MACROD2: variants seen among roughly 807,000 people sequenced by gnomAD.
MACROD2 encodes the protein ADP-ribose glycohydrolase MACROD2.
MACROD2 carries 36 observed loss-of-function variants against 70.4 expected under a neutral mutation model. The ratio of observed to expected loss-of-function variants is 0.51; its 90% CI spans 0.39 to 0.68. The LOEUF (loss-of-function observed/expected upper bound fraction) is 0.68. Ranked by LOEUF, MACROD2 falls within the 30% of genes least tolerant of loss-of-function variation. The pLI is 0.00. For missense variants in MACROD2, 496 were observed against 538.4 expected (o/e 0.92, Z 0.78); for synonymous variants, 172 against 178.8 (o/e 0.96, Z 0.30).
intron 15 of MACROD2, among the ~76,000 whole-genome samples, chr20:16,007,490 A>G (rs774370083): frequency 2.6e-5 from 4 of 152,224 alleles, no homozygotes; most frequent in African/African-American, 7.2e-5. Context: ...GTCATCTTCT[A>G]TAAGGTTTCT....
chr20:15,996,047 G>C (rs111474263), intron 15 of MACROD2, among the ~76,000 whole-genome samples: 57 of 152,120 alleles, frequency 3.7e-4, no homozygotes, highest in African/African-American at 1.3e-3. Flanking sequence ...GGATCATTTG[G>C]TAATTCTATT....
At chr20:14,137,311 C>T in intron 3 of MACROD2, among the ~76,000 whole-genome samples, 1 of 152,100 alleles carries the variant, frequency 6.6e-6, no homozygotes, top group East Asian at 1.9e-4. Context: ...TTAAGAAAGT[C>T]ATAAGGACTT....
At chr20:14,051,718 A>G (rs2053570017) in intron 2 of MACROD2, 1 of 354,446 alleles carries the variant, frequency 2.8e-6, no homozygotes, top group Non-Finnish European at 5.5e-6. Flanking sequence ...TAAATTCAAA[A>G]GGTATATCCT....
chr20:15,555,851 AAAAGG>A lies in MACROD2; in HGVS notation c.645+56008_645+56012del, dbSNP rs1229614370. ...CTCAAAAAAAAAAAAAAAAAAAAAA[AAAAGG>A]AAAAGAAAAGAAAAGGAAAGAACCA... On this transcript the variant is annotated intron_variant, in intron 8 of 17. Transcript: ENST00000684519. 5.5e-5 allele frequency among the ~76,000 whole-genome samples: 8 copies of A among 144,516 alleles called. No homozygotes were observed. The South Asian group carries it at 8.5e-4, about 15-fold the overall frequency. The allele number at this position is 144,516 out of a possible 152,430, so 94.8% of individuals were successfully genotyped here.
chr20:15,585,679 T>G (rs892252566), intron 8 of MACROD2, among the ~76,000 whole-genome samples: 1 of 152,190 alleles, frequency 6.6e-6, no homozygotes, highest in Admixed American at 6.5e-5. Flanking sequence ...AGCTTTCCAG[T>G]AGGATTAAGC....
chr20:14,373,618 C>T (rs1017746945), intron 3 of MACROD2, among the ~76,000 whole-genome samples: 1 of 152,114 alleles, frequency 6.6e-6, no homozygotes, highest in Non-Finnish European at 1.5e-5. Flanking sequence ...AGGATAAATA[C>T]CCTTAAAGTA....
At chr20:14,428,527 A>G (rs1024645767) in intron 3 of MACROD2, among the ~76,000 whole-genome samples, 8 of 152,150 alleles carry the variant, frequency 5.3e-5, no homozygotes, top group Non-Finnish European at 8.8e-5. Flanking sequence ...TCTTCCTGAT[A>G]TTAATTTTAT....
intron 8 of MACROD2, among the ~76,000 whole-genome samples, chr20:15,584,379 G>C (rs1378153087): frequency 6.6e-6 from 1 of 151,018 alleles, no homozygotes; most frequent in Non-Finnish European, 1.5e-5. Context: ...TAACACTTGA[G>C]TTATCTGAGA....
At chr20:15,136,607 C>T (rs1038025029) in intron 5 of MACROD2, among the ~76,000 whole-genome samples, 2 of 152,002 alleles carry the variant, frequency 1.3e-5, no homozygotes, top group African/African-American at 4.8e-5. Flanking sequence ...ACCATAAAAA[C>T]CCTGGAAGAA....
At chr20:15,660,519 G>A (rs921598807) in intron 8 of MACROD2, among the ~76,000 whole-genome samples, 2 of 152,130 alleles carry the variant, frequency 1.3e-5, no homozygotes, top group Admixed American at 6.5e-5. Flanking sequence ...GGATTTTGGT[G>A]TCAGTAATCA....
chr20:14,549,046 A>G (rs961858672), intron 4 of MACROD2, among the ~76,000 whole-genome samples: 3 of 152,206 alleles, frequency 2.0e-5, no homozygotes, highest in Non-Finnish European at 4.4e-5. Context: ...GAGAGCCCTC[A>G]GGCAAAGAGA....
At chr20:15,826,929 A>G (rs1280246252) in intron 8 of MACROD2, among the ~76,000 whole-genome samples, 1 of 152,184 alleles carries the variant, frequency 6.6e-6, no homozygotes, top group African/African-American at 2.4e-5. Flanking sequence ...GTACTAGTGA[A>G]CAGTTAAAGG....
At chr20:14,520,879 G>A (rs181950000) in intron 4 of MACROD2, among the ~76,000 whole-genome samples, 2 of 152,032 alleles carry the variant, frequency 1.3e-5, no homozygotes, top group Non-Finnish European at 2.9e-5. Flanking sequence ...CTTCAATCAG[G>A]GGCAATCTTA....
chr20:15,621,868 A>G (rs1287273412), intron 8 of MACROD2, among the ~76,000 whole-genome samples: 3 of 152,222 alleles, frequency 2.0e-5, no homozygotes, highest in Non-Finnish European at 4.4e-5. Context: ...CTGTATGGAT[A>G]CCTCAGGGTT....
chr20:15,164,310 T>C (rs1325936055), intron 5 of MACROD2, among the ~76,000 whole-genome samples: 1 of 152,168 alleles, frequency 6.6e-6, no homozygotes, highest in East Asian at 1.9e-4. Context: ...TACAGGAAGA[T>C]GTGTGTACAT....
intron 8 of MACROD2, among the ~76,000 whole-genome samples, chr20:15,583,320 T>C (rs956168439): frequency 1.3e-5 from 2 of 152,184 alleles, no homozygotes; most frequent in African/African-American, 4.8e-5. Flanking sequence ...ACGGAGAAAG[T>C]ATAGGGAACA....
intron 5 of MACROD2, among the ~76,000 whole-genome samples, chr20:14,692,873 C>T (rs992883850): frequency 6.6e-6 from 1 of 152,186 alleles, no homozygotes; most frequent in African/African-American, 2.4e-5. Flanking sequence ...GAGTCCACCC[C>T]CAAATGGCTT....
rs555267593 is a variant in MACROD2 at position 16,021,405 on chromosome 20, G to A, written c.1154-19796G>A. ...GGGCTCACTGAGGAATAAGACATGC[G>A]GAAGTTGAATGAAGCAGCAGAGTTG... is the stretch of plus-strand genomic sequence containing the variant. On this transcript the variant is annotated intron_variant, in intron 15 of 17. Transcript: ENST00000684519. Among the ~76,000 whole-genome samples, 91 of 152,310 alleles carry A rather than the reference G, an allele frequency of 6.0e-4. 1 individual carries two copies. Among genetic ancestry groups the A allele is most frequent in the African/African-American group, 1.9e-3 (81 of 41,552 alleles).
chr20:14,541,779 A>G (rs557338397), intron 4 of MACROD2, among the ~76,000 whole-genome samples: 189 of 152,314 alleles, frequency 1.2e-3, no homozygotes, highest in African/African-American at 4.3e-3. Context: ...TATCTGTTAT[A>G]ATAGCATATG....
Sources: allele counts gnomAD v4.1 joint callset (sites outside exome capture counted in the v4.1 genomes callset), GRCh38; gene constraint gnomAD v4.1.1; transcripts MANE v1.5; gene names NCBI Gene and HGNC (gene_info 2026-07-23, HGNC 2026-07-21).